GLI2: variants seen among roughly 807,000 people sequenced by gnomAD.
The protein encoded by GLI2 is transcription activator GLI2.
GLI2 carries 22 observed loss-of-function variants against 78.9 expected under a neutral mutation model. The ratio of observed to expected loss-of-function variants is 0.28; its 90% confidence interval spans 0.20 to 0.40. GLI2 has a LOEUF of 0.40. Among genes scored for constraint, GLI2 ranks in the 10% least tolerant of loss-of-function variants. The pLI, the probability that GLI2 is intolerant of heterozygous loss-of-function variation, is 1.00. For missense variants in GLI2, 2,097 were observed against 2,213.2 expected, an observed-to-expected ratio of 0.95 and a Z score of 1.05; for synonymous variants, 974 against 963.7, an observed-to-expected ratio of 1.01 and a Z score of -0.20.
At chr2:120,888,810 G>T (rs139815015) in intron 2 of GLI2, among the ~76,000 whole-genome samples, 1 of 152,222 alleles carries the variant, frequency 6.6e-6, no homozygotes, top group African/African-American at 2.4e-5. Context: ...CATGGTCAGC[G>T]TTGGCTGACA....
At chr2:120,791,935 G>A (rs866549874) in intron 1 of GLI2, among the ~76,000 whole-genome samples, 9 of 152,298 alleles carry the variant, frequency 5.9e-5, no homozygotes, top group Middle Eastern at 3.4e-3. Flanking sequence ...GCCTGCGTGT[G>A]TGTGTGCATC....
chr2:120,951,278 A>T lies in GLI2; in HGVS notation c.290A>T (p.Asp97Val). Residue 97 changes from aspartate (D) to valine (V), a missense_variant, in exon 4 of 14, where the codon GAC (aspartate) becomes GTC (valine). By Grantham distance (152) the Asp-to-Val change is radical. Around this residue, in one of 5 missense-constraint regions of GLI2, gnomAD observed 578 missense variants for 612.0 expected, o/e 0.94. Coordinates refer to ENST00000361492, the MANE Select transcript of GLI2 (RefSeq NM_001374353.1). The stretch of plus-strand genomic sequence containing the variant: ...CTCAGCGGCAGCCCTGTCATCTCTG[A>T]CATCTCCTTGATCCGGCTTTCCCCG... ...PALSGSPVIS[D>V]ISLIRLSPHP... The T allele has an allele frequency of 6.2e-7, 1 of 1,612,608 alleles. No homozygotes were observed. Among genetic ancestry groups the T allele is most frequent in the Non-Finnish European group, 8.5e-7 (1 of 1,178,868 alleles).
intron 3 of GLI2, among the ~76,000 whole-genome samples, chr2:120,940,782 T>C (rs1273560957): frequency 1.3e-5 from 2 of 152,090 alleles, no homozygotes; most frequent in Non-Finnish European, 2.9e-5. Context: ...ACTCAGGGGG[T>C]CTGCTGAGAT....
intron 2 of GLI2, among the ~76,000 whole-genome samples, chr2:120,855,817 A>T (rs1470803064): frequency 6.6e-6 from 1 of 152,174 alleles, no homozygotes; most frequent in Non-Finnish European, 1.5e-5. Flanking sequence ...GGGGTGGAGC[A>T]GCCTTCCAGC....
chr2:120,911,135 T>C (rs535335264), intron 2 of GLI2, among the ~76,000 whole-genome samples: 3 of 152,318 alleles, frequency 2.0e-5, no homozygotes, highest in African/African-American at 7.2e-5. Flanking sequence ...TTCTTCTTCC[T>C]GGTCCAAGAA....
At chr2:120,964,874 G>A (rs1044545708) in intron 5 of GLI2, among the ~76,000 whole-genome samples, 1 of 152,280 alleles carries the variant, frequency 6.6e-6, no homozygotes, top group Non-Finnish European at 1.5e-5. Flanking sequence ...AGAGTCATTA[G>A]AAAGTCCAGA....
At chr2:120,829,756 A>G (rs572874973) in intron 2 of GLI2, among the ~76,000 whole-genome samples, 2 of 152,248 alleles carry the variant, frequency 1.3e-5, no homozygotes, top group Admixed American at 6.5e-5. Flanking sequence ...AGGAGGGCCT[A>G]TGTGGGCCTT....
intron 1 of GLI2, among the ~76,000 whole-genome samples, chr2:120,754,972 C>T (rs1423298514): frequency 6.6e-6 from 1 of 152,034 alleles, no homozygotes; most frequent in East Asian, 1.9e-4. Context: ...CTGCCTCAGC[C>T]TCCCAAGTAG....
intron 2 of GLI2, among the ~76,000 whole-genome samples, chr2:120,891,763 T>C (rs1044130050): frequency 3.3e-5 from 5 of 152,178 alleles, no homozygotes; most frequent in African/African-American, 1.2e-4. Context: ...TTCCCTTCTC[T>C]TCCTTACTTG....
chr2:120,875,651 C>T (rs1688700186), intron 2 of GLI2, among the ~76,000 whole-genome samples: 2 of 152,210 alleles, frequency 1.3e-5, no homozygotes, highest in African/African-American at 4.8e-5. Context: ...CCTCAGGACA[C>T]CCTTGCGTGT....
chr2:120,936,191 C>T (rs1390112770), intron 3 of GLI2, among the ~76,000 whole-genome samples: 1 of 152,148 alleles, frequency 6.6e-6, no homozygotes, highest in Non-Finnish European at 1.5e-5. Flanking sequence ...GCTTGCTTAG[C>T]CCCACAAGCC....
At chr2:120,862,406 G>A (rs193297814) in intron 2 of GLI2, among the ~76,000 whole-genome samples, 359 of 152,322 alleles carry the variant, frequency 2.4e-3, no homozygotes, top group African/African-American at 7.2e-3. Context: ...AGGCCTTGCC[G>A]TCTGGGGGCT....
chr2:120,950,375 G>A (rs940907707), intron 3 of GLI2, among the ~76,000 whole-genome samples: 2 of 152,206 alleles, frequency 1.3e-5, no homozygotes, highest in Non-Finnish European at 2.9e-5. Context: ...CATCTTTAAT[G>A]AGTGAGTTTT....
chr2:120,946,192 T>C (rs912563042), intron 3 of GLI2, among the ~76,000 whole-genome samples: 9 of 152,276 alleles, frequency 5.9e-5, no homozygotes, highest in African/African-American at 2.2e-4. Flanking sequence ...CCTGATTTCA[T>C]GGGTCTGCCT....
chr2:120,839,581 A>G (rs1354790075), intron 2 of GLI2, among the ~76,000 whole-genome samples: 1 of 151,754 alleles, frequency 6.6e-6, no homozygotes, highest in Non-Finnish European at 1.5e-5. Flanking sequence ...TATTTTTTTG[A>G]GATGGAGTCT....
intron 2 of GLI2, among the ~76,000 whole-genome samples, chr2:120,885,563 G>C (rs1300417307): frequency 6.6e-6 from 1 of 152,210 alleles, no homozygotes; most frequent in Non-Finnish European, 1.5e-5. Flanking sequence ...CTGCCTCAGA[G>C]GCCTCGGGGC....
chr2:120,848,599 A>T (rs563973173), intron 2 of GLI2, among the ~76,000 whole-genome samples: 160 of 152,288 alleles, frequency 1.1e-3, no homozygotes, highest in African/African-American at 3.7e-3. Flanking sequence ...TGGGGAGGGA[A>T]GAGTTGGAGG....
At chr2:120,792,397 C>G (rs1287664084) in intron 1 of GLI2, 1 of 152,210 alleles carries the variant, frequency 6.6e-6, no homozygotes, top group Non-Finnish European at 1.5e-5. Flanking sequence ...CATCTGTGAT[C>G]AAGAATACAT....
chr2:120,826,820 C>T (rs574909653), intron 2 of GLI2, among the ~76,000 whole-genome samples: 1 of 152,330 alleles, frequency 6.6e-6, no homozygotes, highest in Admixed American at 6.5e-5. Flanking sequence ...CCAGTGACAG[C>T]TCAGAGCCCG....
Sources: gnomAD v4.1 joint callset for allele counts (sites outside exome capture counted in the v4.1 genomes callset) on GRCh38, gnomAD v4.1.1 for gene constraint, gnomAD v4.1.1 regional missense constraint, MANE v1.5 for transcripts, NCBI Gene and HGNC (gene_info 2026-07-23, HGNC 2026-07-21) for gene names.